The following ZNF518B variants were observed in gnomAD, a reference collection of about 807,000 sequenced individuals.
The protein encoded by ZNF518B is zinc finger protein 518B.
Under a neutral mutation model 56.3 loss-of-function variants are expected in ZNF518B, and 23 were observed. The observed-to-expected ratio is 0.41, with a 90% confidence interval of 0.29 to 0.58. The LOEUF (loss-of-function observed/expected upper bound fraction) is 0.58. Among genes scored for constraint, ZNF518B ranks in the 20% least tolerant of loss-of-function variants. The probability of loss-of-function intolerance (pLI) is 0.32; values close to 1 mark genes in which losing one functional copy is unlikely to be tolerated. For synonymous variants in ZNF518B, 529 were observed against 465.9 expected, an observed-to-expected ratio of 1.14 and a Z score of -1.74; for missense variants, 1,460 against 1,272.1, an observed-to-expected ratio of 1.15 and a Z score of -2.25.
chr4:10,454,581 G>A (rs1000741974), intron 2 of ZNF518B: 4 of 152,148 alleles, frequency 2.6e-5, no homozygotes, highest in African/African-American at 7.2e-5. Flanking sequence ...GCATGAGCAG[G>A]TTCCTATGTT....
At position 10,445,081 on chromosome 4, in the gene ZNF518B, T is replaced by C; in HGVS notation, c.1248A>G (p.Val416=). ...LTVDGNVGKL[V]GIDSFQPSVQ... is the part of the protein sequence containing the mutation. ...CTGAAGGTTGAAAACTATCAATGCC[T>C]ACGAGTTTTCCAACATTCCCGTCAA... Residue 416 remains valine, a synonymous_variant, in exon 3 of 3, where the codon GTA becomes GTG. Coordinates refer to ENST00000326756, the MANE Select transcript of ZNF518B (RefSeq NM_053042.3). 1 of 1,614,236 alleles carries C rather than the reference T, an allele frequency of 6.2e-7. No homozygotes were observed. The highest frequency in any genetic ancestry group is 8.5e-7 in the Non-Finnish European group (1 of 1,180,036).
In ZNF518B at chr4:10,445,352, C is replaced by A; in HGVS notation, c.977G>T (p.Gly326Val). Reference protein sequence around the residue: ...LSPAKEPVQPGMPLTVVAPAE... With the variant: ...LSPAKEPVQPVMPLTVVAPAE... ...TGGTGCAACAACTGTCAATGGCATA[C>A]CTGGCTGAACAGGTTCTTTTGCAGG... is the stretch of plus-strand genomic sequence containing the variant. Residue 326 changes from glycine to valine, a missense_variant, in exon 3 of 3, where the codon GGT becomes GTT. Transcript: ENST00000326756. 1 of 1,614,190 alleles carries A rather than the reference C, an allele frequency of 6.2e-7. No homozygotes were observed. The highest frequency in any genetic ancestry group is 1.1e-5 in the South Asian group (1 of 91,084).
upstream of ZNF518B, among the ~76,000 whole-genome samples, chr4:10,458,628 A>T (rs112313286): frequency 0.012 from 1,789 of 152,306 alleles, 34 homozygotes; most frequent in African/African-American, 0.041. Flanking sequence ...CTGATCAGGG[A>T]GCTGCTAGGG....
Position 10,444,350 on chromosome 4 carries a change from T to G in ZNF518B, c.1979A>C (p.Lys660Thr). 1 of 1,614,206 alleles carries G rather than the reference T, an allele frequency of 6.2e-7. No individual in the cohort carries two copies. Among genetic ancestry groups the G allele is most frequent in the Non-Finnish European group, 8.5e-7 (1 of 1,180,026 alleles). ...CTTTCTGCGCAACAGTTCAATTGACTTTATTTTAGACGTTGAGCTATTCCA... is the reference window on the plus strand; with the variant it reads ...CTTTCTGCGCAACAGTTCAATTGACGTTATTTTAGACGTTGAGCTATTCCA... The part of the protein sequence containing the change: ...IKWNSSTSKI[K>T]SIELLRRKIA... Residue 660 changes from lysine (K) to threonine (T), a missense_variant, in exon 3 of 3, where the codon AAG becomes ACG. Physicochemically the swap from Lys to Thr is moderately conservative, Grantham distance 78. Coordinates refer to ENST00000326756, the MANE Select transcript of ZNF518B (RefSeq NM_053042.3).
chr4:10,447,026 T>C (rs1715088155), intron 2 of ZNF518B, among the ~76,000 whole-genome samples: 1 of 152,226 alleles, frequency 6.6e-6, no homozygotes, highest in African/African-American at 2.4e-5. Flanking sequence ...ATACCAACTC[T>C]CTCACTTACA....
At chr4:10,447,426 A>G (rs553130460) in intron 2 of ZNF518B, among the ~76,000 whole-genome samples, 1 of 152,204 alleles carries the variant, frequency 6.6e-6, no homozygotes, top group South Asian at 2.1e-4. Flanking sequence ...TCAAGCACAG[A>G]AAAGGCAATG....
chr4:10,447,600 C>T (rs954442996), intron 2 of ZNF518B, among the ~76,000 whole-genome samples: 4 of 149,434 alleles, frequency 2.7e-5, no homozygotes, highest in Non-Finnish European at 4.4e-5. Flanking sequence ...CAAGAGGTGA[C>T]GAAGGTTTTC....
At position 10,443,187 on chromosome 4, in the gene ZNF518B, G is replaced by C; in HGVS notation, c.3142C>G (p.Gln1048Glu). Reference sequence around the variant, plus strand: ...TGGCCATGACTCATCCACTCTTCCTGGTCTTCATACAGTCGCCCACAAAAC... The same window carrying C: ...TGGCCATGACTCATCCACTCTTCCTCGTCTTCATACAGTCGCCCACAAAAC... The part of the protein sequence containing the change: ...CWFCGRLYED[Q>E]EEWMSHGQRH... Residue 1048 changes from glutamine to glutamate, a missense_variant, in exon 3 of 3, where the codon CAG becomes GAG. Physicochemically the swap from Gln to Glu is conservative, Grantham distance 29 (BLOSUM62 2). Transcript: ENST00000326756. 1 of 1,614,132 alleles carries C rather than the reference G, an allele frequency of 6.2e-7. No individual in the cohort carries two copies. The highest frequency in any genetic ancestry group is 1.1e-5 in the South Asian group (1 of 91,068).
upstream of ZNF518B, among the ~76,000 whole-genome samples, chr4:10,458,968 T>G (rs1211524572): frequency 6.6e-6 from 1 of 152,218 alleles, no homozygotes; most frequent in Non-Finnish European, 1.5e-5. Flanking sequence ...AGTTCTGCCC[T>G]CTTAAGTCAC....
chr4:10,459,705 T>C (rs531931454), upstream of ZNF518B, among the ~76,000 whole-genome samples: 25 of 152,018 alleles, frequency 1.6e-4, no homozygotes, highest in Non-Finnish European at 3.7e-4. Context: ...GAAGAAGCCA[T>C]GGACAGAGGC....
In ZNF518B at chr4:10,443,730, G is replaced by C. The variant is rs764101053; in HGVS notation, c.2599C>G (p.Gln867Glu). ...IHRKTGLLYG[Q>E]QGSSELNKQG... is the part of the protein sequence containing the mutation. ...TTATTTAATTCACTGCTTCCTTGCT[G>C]TCCATACAAGAGGCCAGTTTTTCTA... Residue 867 changes from glutamine (Q) to glutamate (E), a missense_variant, in exon 3 of 3, where the codon CAG (glutamine) becomes GAG (glutamate). Physicochemically the swap from Gln to Glu is conservative, Grantham distance 29 (BLOSUM62 2). Transcript: ENST00000326756. The C allele has an allele frequency of 4.3e-6, 7 of 1,614,056 alleles. No individual in the cohort carries two copies. The East Asian group carries it at 1.6e-4, about 36-fold the overall frequency.
intron 2 of ZNF518B, chr4:10,454,437 T>C (rs1193986895): frequency 1.3e-5 from 2 of 152,230 alleles, no homozygotes; most frequent in Admixed American, 6.5e-5. Context: ...TAACAGAAGA[T>C]GGAGATAAGT....
intron 2 of ZNF518B, among the ~76,000 whole-genome samples, chr4:10,450,362 A>C (rs1002012583): frequency 6.6e-6 from 1 of 152,190 alleles, no homozygotes; most frequent in African/African-American, 2.4e-5. Context: ...GCAAGTGAAA[A>C]AGATGTGAGG....
In ZNF518B at chr4:10,444,302, C is replaced by A; in HGVS notation, c.2027G>T (p.Cys676Phe). Residue 676 changes from cysteine to phenylalanine, a missense_variant, in exon 3 of 3, where the codon TGT (cysteine) becomes TTT (phenylalanine). By Grantham distance (205) the Cys-to-Phe change is radical. Coordinates refer to ENST00000326756, the MANE Select transcript of ZNF518B (RefSeq NM_053042.3). ...TGAAGCCAAAGATGACGGCTTCCCA[C>A]AGGACTCAATTAACTGAGCTATCTT... ...RRKIAQLIES[C>F]GKPSSLASNS... The A allele has an allele frequency of 6.2e-7, 1 of 1,614,194 alleles. No individual in the cohort carries two copies. Among genetic ancestry groups the A allele is most frequent in the Non-Finnish European group, 8.5e-7 (1 of 1,180,020 alleles).
At chr4:10,448,054 T>TC (rs1232682318) in intron 2 of ZNF518B, among the ~76,000 whole-genome samples, 1 of 152,256 alleles carries the variant, frequency 6.6e-6, no homozygotes, top group East Asian at 1.9e-4. Flanking sequence ...TAAAAGCCTT[T>TC]CTTTCATGAC....
At position 10,444,444 on chromosome 4, in the gene ZNF518B, C is replaced by G. The variant is rs759029585; in HGVS notation, c.1885G>C (p.Asp629His). Residue 629 changes from aspartate to histidine, a missense_variant, in exon 3 of 3, where the codon GAT becomes CAT. Physicochemically the swap from Asp to His is moderately conservative, Grantham distance 81 (BLOSUM62 -1). Transcript: ENST00000326756. ...AATACTGATGAGATGACTGGGCCAT[C>G]ATTAGTGTTGTTAGTCCTTTCAGAA... ...KNSERTNNTNDGPVISSVFSL... is the reference protein window; with the variant it reads ...KNSERTNNTNHGPVISSVFSL... The G allele has an allele frequency of 5.6e-6, 9 of 1,614,162 alleles. No homozygotes were observed. The South Asian group carries it at 7.7e-5, about 14-fold the overall frequency.
At chr4:10,458,946 C>T (rs1280572493), upstream of ZNF518B, among the ~76,000 whole-genome samples, 1 of 152,204 alleles carries the variant, frequency 6.6e-6, no homozygotes, top group Non-Finnish European at 1.5e-5. Context: ...ATAACTTCTA[C>T]TCATGCATCA....
Position 10,444,541 on chromosome 4 carries a change from C to T in ZNF518B, c.1788G>A (p.Glu596=), listed in dbSNP as rs527390357. ...VGQISSQHKS[E]YLHINITGED... is the part of the protein sequence containing the mutation. The stretch of plus-strand genomic sequence containing the variant: ...CTCCAGTTATGTTTATATGTAAATA[C>T]TCACTCTTATGTTGAGAGGAAATCT... The change falls in exon 3 of 3, where the codon GAG becomes GAA. Residue 596 remains glutamate (E), a synonymous_variant. Transcript: ENST00000326756. The T allele has an allele frequency of 6.2e-7, 1 of 1,614,014 alleles. No individual in the cohort carries two copies. Among genetic ancestry groups the T allele is most frequent in the Non-Finnish European group, 8.5e-7 (1 of 1,180,040 alleles).
upstream of ZNF518B, among the ~76,000 whole-genome samples, chr4:10,459,964 A>G (rs934061051): frequency 1.3e-5 from 2 of 152,144 alleles, no homozygotes; most frequent in Admixed American, 6.5e-5. Context: ...GTCCTTGAGT[A>G]TAAGATTTGG....
Sources: gnomAD v4.1 joint callset for allele counts (sites outside exome capture counted in the v4.1 genomes callset) on GRCh38, gnomAD v4.1.1 for gene constraint, MANE v1.5 for transcripts, NCBI Gene and HGNC (gene_info 2026-07-23, HGNC 2026-07-21) for gene names.